TRIM37: variants seen among roughly 807,000 people sequenced by gnomAD.
The protein encoded by TRIM37 is E3 ubiquitin-protein ligase TRIM37.
TRIM37 carries 80 observed loss-of-function variants against 129.8 expected under a neutral mutation model. The ratio of observed to expected loss-of-function variants is 0.62; its 90% confidence interval spans 0.51 to 0.74. The LOEUF is 0.74. TRIM37 is among the 30% of genes least tolerant of loss of function. TRIM37 has a pLI of 0.00. For missense variants in TRIM37, 1,054 were observed against 1,176.5 expected (o/e 0.90, Z 1.52); for synonymous variants, 389 against 387.1 (o/e 1.00, Z -0.06).
chr17:59,089,366 G>A (rs1482693143), intron 3 of TRIM37, among the ~76,000 whole-genome samples: 1 of 152,186 alleles, frequency 6.6e-6, no homozygotes, highest in Non-Finnish European at 1.5e-5. Context: ...ATTTTGGCCA[G>A]GTGCAGTGGC....
intron 16 of TRIM37, among the ~76,000 whole-genome samples, chr17:59,044,064 G>C (rs571463693): frequency 5.9e-5 from 9 of 152,304 alleles, no homozygotes; most frequent in Non-Finnish European, 1.0e-4. Context: ...GGAAGCCGAG[G>C]CTGGAGGGAC....
At chr17:58,973,611 C>T in the TRIM37 span, among the ~76,000 whole-genome samples, 3 of 151,378 alleles carry the variant, frequency 2.0e-5, no homozygotes, top group East Asian at 5.8e-4. Context: ...AGTTAAAGAC[C>T]AGCCTGGGCA....
the TRIM37 span, among the ~76,000 whole-genome samples, chr17:58,967,770 G>T: frequency 6.6e-6 from 1 of 150,678 alleles, no homozygotes; most frequent in African/African-American, 2.4e-5. Flanking sequence ...CTTTAGTAGG[G>T]ATAGAAATTC....
At chr17:58,972,088 CTA>C in the TRIM37 span, 1 of 1,571,332 alleles carries the variant, frequency 6.4e-7, no homozygotes, top group Non-Finnish European at 8.7e-7. Context: ...AATGTAGTAT[CTA>C]TTTCTTTTCA....
chr17:59,096,585 G>C (rs750408757), intron 2 of TRIM37, among the ~76,000 whole-genome samples: 11 of 146,490 alleles, frequency 7.5e-5, no homozygotes, highest in Non-Finnish European at 1.2e-4. Context: ...AACCAACTTT[G>C]TAACAGAAAA....
At chr17:59,042,934 C>G (rs968122978) in intron 16 of TRIM37, among the ~76,000 whole-genome samples, 24 of 152,038 alleles carry the variant, frequency 1.6e-4, no homozygotes, top group African/African-American at 4.3e-4. Flanking sequence ...AATACAAGAA[C>G]CACTGTTAGA....
intron 9 of TRIM37, among the ~76,000 whole-genome samples, chr17:59,070,343 GA>G (rs1199765781): frequency 1.3e-5 from 2 of 152,250 alleles, no homozygotes; most frequent in Non-Finnish European, 2.9e-5. Flanking sequence ...ATCAGTTTCT[GA>G]GTTTTGTGTT....
intron 2 of TRIM37, among the ~76,000 whole-genome samples, chr17:59,103,700 T>C (rs1439637272): frequency 1.4e-5 from 2 of 147,814 alleles, no homozygotes; most frequent in Non-Finnish European, 3.0e-5. Context: ...CAGGCTGGAG[T>C]GCAGTGGCGC....
intron 2 of TRIM37, among the ~76,000 whole-genome samples, chr17:59,091,763 T>C (rs372529028): frequency 6.6e-6 from 1 of 150,462 alleles, no homozygotes; most frequent in Non-Finnish European, 1.5e-5. Flanking sequence ...GTCATCCTCA[T>C]AGGGATAAAC....
chr17:59,056,335 C>T (rs1047733077), intron 13 of TRIM37, among the ~76,000 whole-genome samples: 1 of 151,982 alleles, frequency 6.6e-6, no homozygotes, highest in Non-Finnish European at 1.5e-5. Flanking sequence ...CACCACTGCA[C>T]CCAGCTTATC....
chr17:59,081,678 A>T lies in TRIM37; in HGVS notation c.370-459T>A, dbSNP rs192364614. 1.0e-3 allele frequency among the ~76,000 whole-genome samples: 159 copies of T among 152,056 alleles called. 1 individual carries two copies. Among genetic ancestry groups the T allele is most frequent in the Middle Eastern group, 6.8e-3 (2 of 294 alleles). ...ATCCCAGTACTTTGGGACGCTGAGG[A>T]GGGCAGATCACTTGAACTGAGGAAT... On this transcript the variant is annotated intron_variant, in intron 5 of 23. Coordinates refer to ENST00000262294, the MANE Select transcript of TRIM37 (RefSeq NM_015294.6).
At position 59,088,283 on chromosome 17, in the gene TRIM37, G is replaced by A; in HGVS notation, c.281+8C>T. On this transcript the variant is annotated splice_region_variant and intron_variant, in intron 4 of 23. Transcript: ENST00000262294. ...ATTCAATATTGAACAAAGAAATTGA[G>A]GACATACTTGTCCTTTTCATTTTCT... 6.4e-7 allele frequency: 1 copy of A among 1,565,576 alleles called. No individual in the cohort carries two copies. The highest frequency in any genetic ancestry group is 8.8e-7 in the Non-Finnish European group (1 of 1,136,440).
intron 1 of TRIM37, among the ~76,000 whole-genome samples, chr17:59,105,689 G>A (rs1217672876): frequency 1.3e-5 from 2 of 152,144 alleles, no homozygotes; most frequent in Non-Finnish European, 1.5e-5. Flanking sequence ...GAAAGAACCT[G>A]GGAGATGCAG....
At chr17:58,979,528 G>A (rs1001686918), downstream of TRIM37, among the ~76,000 whole-genome samples, 1 of 152,184 alleles carries the variant, frequency 6.6e-6, no homozygotes, top group Non-Finnish European at 1.5e-5. Context: ...AATGATCAGA[G>A]CTTTGGTTTG....
the TRIM37 span, among the ~76,000 whole-genome samples, chr17:58,975,239 T>C: frequency 2.6e-5 from 4 of 152,380 alleles, no homozygotes; most frequent in East Asian, 7.7e-4. Context: ...CTGACCTTTG[T>C]CAGAGGATTG....
chr17:58,978,493 C>G (rs1021905980), downstream of TRIM37, among the ~76,000 whole-genome samples: 1 of 152,048 alleles, frequency 6.6e-6, no homozygotes. Context: ...GGCAGATTAT[C>G]AGAGGTCAGG....
chr17:58,997,525 C>T (rs1174888460), downstream of TRIM37, among the ~76,000 whole-genome samples: 1 of 152,020 alleles, frequency 6.6e-6, no homozygotes. Flanking sequence ...TCAAAGGTTA[C>T]TTAAAGATCA....
chr17:59,088,347 C>T lies in TRIM37; in HGVS notation c.225G>A (p.Gln75=). ...GACTGCAGAGTTGAAGAGTATCAAG[C>T]TGTTGTGTTACTTCTTCTGCCCAAC... ...NCRWAEEVTQ[Q]LDTLQLCSLT... The change falls in exon 4 of 24, where the codon CAG becomes CAA. Residue 75 remains glutamine (Q), a synonymous_variant. Coordinates refer to ENST00000262294, the MANE Select transcript of TRIM37 (RefSeq NM_015294.6). 1.2e-6 allele frequency: 2 copies of T among 1,613,852 alleles called. No homozygotes were observed. The highest frequency in any genetic ancestry group is 1.7e-6 in the Non-Finnish European group (2 of 1,179,858).
intron 21 of TRIM37, 108 bp downstream of exon 21, chr17:59,015,480 TAAATGTATTTTCTGTCCACTAA>T: frequency 1.0e-6 from 1 of 964,066 alleles, no homozygotes. Flanking sequence ...TTTAGTGCAA[TAAATGTATTTTCTGTCCACTAA>T]AAAATTAACA....
Sources: allele counts gnomAD v4.1 joint callset (sites outside exome capture counted in the v4.1 genomes callset), GRCh38; gene constraint gnomAD v4.1.1; transcripts MANE v1.5; gene names NCBI Gene and HGNC (gene_info 2026-07-23, HGNC 2026-07-21).